ST6GALNAC3: variants seen among roughly 807,000 people sequenced by gnomAD.
ST6GALNAC3 encodes the protein alpha-N-acetylgalactosaminide alpha-2,6-sialyltransferase 3.
ST6GALNAC3 carries 25 observed loss-of-function variants against 32.7 expected under a neutral mutation model. That is an observed-to-expected ratio of 0.76 (90% CI 0.56 to 1.07). ST6GALNAC3 has a LOEUF of 1.07. Among genes scored for constraint, ST6GALNAC3 ranks in the 50% least tolerant of loss-of-function variants. The pLI is 0.00. For synonymous variants in ST6GALNAC3, 129 were observed against 133.1 expected (o/e 0.97, Z 0.21); for missense variants, 355 against 382.4 (o/e 0.93, Z 0.60).
intron 3 of ST6GALNAC3, among the ~76,000 whole-genome samples, chr1:76,459,313 C>G (rs955677455): frequency 1.3e-5 from 2 of 152,086 alleles, no homozygotes; most frequent in Non-Finnish European, 1.5e-5. Flanking sequence ...GCCTGTAATC[C>G]CAGCACTTTG....
intron 1 of ST6GALNAC3, among the ~76,000 whole-genome samples, chr1:76,223,886 T>C (rs562127910): frequency 1.3e-5 from 2 of 152,312 alleles, no homozygotes; most frequent in African/African-American, 2.4e-5. Context: ...AGTTCATCAA[T>C]TGCAGTCAGG....
At position 76,571,164 on chromosome 1, in the gene ST6GALNAC3, G is replaced by A. The variant is rs148551674; in HGVS notation, c.624-56288G>A. ...TCTATTCTATCTCCTATCTGTGTAC[G>A]TCTTCCCATTCATAATGCCTTTTAA... On this transcript the variant is annotated intron_variant, in intron 3 of 4. Coordinates refer to ENST00000328299, the MANE Select transcript of ST6GALNAC3 (RefSeq NM_152996.4). 2.1e-3 allele frequency among the ~76,000 whole-genome samples: 323 copies of A among 152,116 alleles called. 1 individual carries two copies. Among genetic ancestry groups the A allele is most frequent in the Middle Eastern group, 0.01 (3 of 294 alleles).
chr1:76,486,330 A>T (rs1436954838), intron 3 of ST6GALNAC3, among the ~76,000 whole-genome samples: 2 of 152,084 alleles, frequency 1.3e-5, no homozygotes, highest in African/African-American at 4.8e-5. Flanking sequence ...GGGGTGTTAA[A>T]GTCTCCCATT....
intron 3 of ST6GALNAC3, among the ~76,000 whole-genome samples, chr1:76,559,217 G>A (rs984369752): frequency 5.0e-4 from 76 of 152,050 alleles, no homozygotes; most frequent in African/African-American, 1.6e-3. Context: ...CATAGATGAC[G>A]GGAAGCTACT....
chr1:76,519,955 TA>T (rs1662411420), intron 3 of ST6GALNAC3, among the ~76,000 whole-genome samples: 2 of 151,734 alleles, frequency 1.3e-5, no homozygotes, highest in African/African-American at 4.8e-5. Context: ...TTATACACTT[TA>T]AAAATTATAT....
At chr1:76,522,950 A>G (rs114447559) in intron 3 of ST6GALNAC3, among the ~76,000 whole-genome samples, 1 of 152,278 alleles carries the variant, frequency 6.6e-6, no homozygotes, top group African/African-American at 2.4e-5. Flanking sequence ...CAACTGTATG[A>G]CAAAGGCTTT....
At chr1:76,259,046 T>C (rs1043326186) in intron 1 of ST6GALNAC3, among the ~76,000 whole-genome samples, 6 of 152,146 alleles carry the variant, frequency 3.9e-5, no homozygotes, top group Admixed American at 6.6e-5. Context: ...TGTTTCCCTA[T>C]CTTATATGCT....
chr1:76,369,445 A>C (rs886417947), intron 2 of ST6GALNAC3, among the ~76,000 whole-genome samples: 2 of 152,172 alleles, frequency 1.3e-5, no homozygotes, highest in African/African-American at 4.8e-5. Context: ...GTAGTAACTT[A>C]ATTGAACCTT....
chr1:76,517,548 T>G (rs9645422), intron 3 of ST6GALNAC3, among the ~76,000 whole-genome samples: 1 of 151,848 alleles, frequency 6.6e-6, no homozygotes, highest in East Asian at 1.9e-4. Flanking sequence ...TTTAAACCTT[T>G]TAAAGGCTTA....
intron 1 of ST6GALNAC3, among the ~76,000 whole-genome samples, chr1:76,093,127 G>A (rs770437112): frequency 3.3e-5 from 5 of 152,110 alleles, no homozygotes; most frequent in Admixed American, 1.3e-4. Flanking sequence ...TGCATATCCT[G>A]GCTATAGTGA....
At chr1:76,347,501 T>C (rs1385512870) in intron 2 of ST6GALNAC3, among the ~76,000 whole-genome samples, 1 of 151,638 alleles carries the variant, frequency 6.6e-6, no homozygotes, top group Admixed American at 6.6e-5. Flanking sequence ...AATAAGTTTA[T>C]ATATATATAT....
intron 3 of ST6GALNAC3, among the ~76,000 whole-genome samples, chr1:76,524,918 C>T (rs1316827002): frequency 6.6e-6 from 1 of 151,568 alleles, no homozygotes; most frequent in Non-Finnish European, 1.5e-5. Flanking sequence ...TTGGTTATCT[C>T]CTAACATTTA....
chr1:76,333,438 C>G (rs140163487), intron 2 of ST6GALNAC3, among the ~76,000 whole-genome samples: 1 of 152,140 alleles, frequency 6.6e-6, no homozygotes, highest in Non-Finnish European at 1.5e-5. Flanking sequence ...TATATGTTCT[C>G]ATATTGGTTT....
chr1:76,326,380 A>C (rs925191636), intron 2 of ST6GALNAC3, among the ~76,000 whole-genome samples: 1 of 152,192 alleles, frequency 6.6e-6, no homozygotes, highest in East Asian at 1.9e-4. Flanking sequence ...TACATGGGCA[A>C]GTCCAACATC....
At chr1:76,380,497 A>T (rs1405310827) in intron 2 of ST6GALNAC3, among the ~76,000 whole-genome samples, 2 of 152,208 alleles carry the variant, frequency 1.3e-5, no homozygotes, top group Non-Finnish European at 2.9e-5. Flanking sequence ...ATGACCACTG[A>T]GCATCATGTA....
At chr1:76,546,131 G>A (rs188480675) in intron 3 of ST6GALNAC3, among the ~76,000 whole-genome samples, 181 of 152,130 alleles carry the variant, frequency 1.2e-3, no homozygotes, top group Non-Finnish European at 1.7e-3. Context: ...TTTAAGGCAC[G>A]TATTAAATGT....
In ST6GALNAC3 at chr1:76,412,038, A is replaced by G; in HGVS notation, c.244A>G (p.Ile82Val). 1.9e-6 allele frequency: 3 copies of G among 1,613,516 alleles called. No homozygotes were observed. Among genetic ancestry groups the G allele is most frequent in the Non-Finnish European group, 2.5e-6 (3 of 1,179,692 alleles). ...PLQLDCDLCA[I>V]VSNSGQMVGQ... ...GCAACTGGACTGTGACCTTTGTGCC[A>G]TAGTGTCAAACTCAGGTCAGATGGT... The change falls in exon 3 of 5, where the codon ATA (isoleucine) becomes GTA (valine). Residue 82 changes from isoleucine to valine, a missense_variant. Ile to Val is a conservative substitution (Grantham distance 29). Transcript: ENST00000328299.
chr1:76,436,168 A>T (rs909118014), intron 3 of ST6GALNAC3, among the ~76,000 whole-genome samples: 3 of 152,168 alleles, frequency 2.0e-5, no homozygotes, highest in African/African-American at 7.2e-5. Context: ...CGAATGCAAA[A>T]AGTGTAAATT....
intron 3 of ST6GALNAC3, among the ~76,000 whole-genome samples, chr1:76,512,229 A>T (rs1476795227): frequency 1.3e-5 from 2 of 152,162 alleles, no homozygotes; most frequent in African/African-American, 4.8e-5. Context: ...GAATAAAACT[A>T]TGTGAAAGAA....
Sources: allele counts gnomAD v4.1 joint callset (sites outside exome capture counted in the v4.1 genomes callset), GRCh38; gene constraint gnomAD v4.1.1; transcripts MANE v1.5; gene names NCBI Gene and HGNC (gene_info 2026-07-23, HGNC 2026-07-21).